The following CAST variants were observed in gnomAD, a reference collection of about 807,000 sequenced individuals.
CAST encodes the protein MIR583 host.
In CAST, 76 loss-of-function variants were observed where a neutral mutation model predicts 119.6. The ratio of observed to expected loss-of-function variants is 0.64; its 90% CI spans 0.53 to 0.77. CAST has a LOEUF of 0.77. Among genes scored for constraint, CAST ranks in the 30% least tolerant of loss-of-function variants. The pLI is 0.00. For missense variants in CAST, 953 were observed against 946.5 expected (o/e 1.01, Z -0.09); for synonymous variants, 319 against 331.6 (o/e 0.96, Z 0.41).
At chr5:96,199,083 T>A in the CAST span, among the ~76,000 whole-genome samples, 1 of 152,212 alleles carries the variant, frequency 6.6e-6, no homozygotes, top group South Asian at 2.1e-4. Context: ...CCTTTGACAT[T>A]ATTCTCATGG....
At chr5:96,199,448 C>G in the CAST span, among the ~76,000 whole-genome samples, 1 of 152,230 alleles carries the variant, frequency 6.6e-6, no homozygotes, top group East Asian at 1.9e-4. Context: ...CCGAACACAG[C>G]TTAAATATGA....
the CAST span, among the ~76,000 whole-genome samples, chr5:96,393,826 C>A: frequency 6.6e-6 from 1 of 152,160 alleles, no homozygotes; most frequent in Non-Finnish European, 1.5e-5. Flanking sequence ...GCTTTCAGAA[C>A]TACCCTTTTA....
chr5:96,406,307 G>A, the CAST span, among the ~76,000 whole-genome samples: 36 of 152,160 alleles, frequency 2.4e-4, no homozygotes, highest in Non-Finnish European at 4.0e-4. Context: ...ATTATTTCTC[G>A]GTTAATTTGG....
chr5:96,565,575 C>A (rs144962856), intron 1 of CAST, among the ~76,000 whole-genome samples: 14 of 152,300 alleles, frequency 9.2e-5, no homozygotes, highest in Non-Finnish European at 2.9e-5. Context: ...TATAATTATT[C>A]TGCAATTAAA....
At position 96,576,966 on chromosome 5, in the gene CAST, C is replaced by T. The variant is rs1250712062; in HGVS notation, c.60+47086C>T. 2.6e-5 allele frequency among the ~76,000 whole-genome samples: 4 copies of T among 152,200 alleles called. No homozygotes were observed. In the South Asian group the frequency reaches 8.3e-4, roughly 32 times the overall value. Reference sequence around the variant, plus strand: ...AGCCCATCATGCATTAGCTCTTTTCCCTAATGCTCTTCCCATCCTTCGCCC... The same window carrying T: ...AGCCCATCATGCATTAGCTCTTTTCTCTAATGCTCTTCCCATCCTTCGCCC... On this transcript the variant is annotated intron_variant, in intron 1 of 11. Coordinates refer to the CAST transcript ENST00000505143.
chr5:95,971,960 CTTTTTT>C, the CAST span, among the ~76,000 whole-genome samples: 1 of 136,992 alleles, frequency 7.3e-6, no homozygotes, highest in African/African-American at 2.7e-5. Flanking sequence ...TCTTTTATTT[CTTTTTT>C]TTTTTTTTTT....
chr5:96,532,665 C>T (rs936532837), intron 1 of CAST, among the ~76,000 whole-genome samples: 2 of 152,128 alleles, frequency 1.3e-5, no homozygotes, highest in African/African-American at 4.8e-5. Context: ...GCGTGGCCAA[C>T]ATGGTGAAAT....
At chr5:96,559,174 C>A (rs908627687) in intron 1 of CAST, among the ~76,000 whole-genome samples, 2 of 152,246 alleles carry the variant, frequency 1.3e-5, no homozygotes, top group South Asian at 2.1e-4. Flanking sequence ...ATGCTAAAAT[C>A]TCTCAATAAA....
the CAST span, among the ~76,000 whole-genome samples, chr5:96,387,997 G>C: frequency 3.3e-5 from 5 of 152,182 alleles, no homozygotes; most frequent in African/African-American, 7.2e-5. Flanking sequence ...GGGGGTCCCT[G>C]TTCAGATACA....
chr5:96,022,735 G>A, the CAST span, among the ~76,000 whole-genome samples: 3 of 152,118 alleles, frequency 2.0e-5, no homozygotes, highest in Non-Finnish European at 2.9e-5. Context: ...GACTTCATAC[G>A]ATTGTGGGGG....
At chr5:96,216,380 C>CT in the CAST span, among the ~76,000 whole-genome samples, 1 of 152,060 alleles carries the variant, frequency 6.6e-6, no homozygotes, top group African/African-American at 2.4e-5. Context: ...TAATAAATTG[C>CT]TTTTTAAAAA....
chr5:96,038,539 AG>A, the CAST span, among the ~76,000 whole-genome samples: 1 of 42,532 alleles, frequency 2.4e-5, no homozygotes, highest in South Asian at 7.9e-4. Flanking sequence ...CACCCCCCGC[AG>A]GCCCTGGTGT....
Position 96,762,188 on chromosome 5 carries a change from A to G in CAST, c.1834-86A>G. The G allele has an allele frequency of 5.7e-6, 4 of 704,458 alleles. No individual in the cohort carries two copies. The South Asian group carries it at 6.7e-5, about 12-fold the overall frequency. The allele number at this position is 704,458 out of a possible 1,614,324, so 43.6% of individuals were successfully genotyped here. ...CAAGAGAATAAACAGTCATTAAGCTATCTTTAAGAGTTATAGTTAAGTGAT... is the reference window on the plus strand; with the variant it reads ...CAAGAGAATAAACAGTCATTAAGCTGTCTTTAAGAGTTATAGTTAAGTGAT... On this transcript the variant is annotated intron_variant, in intron 24 of 31. Coordinates refer to ENST00000675179, the MANE Select transcript of CAST (RefSeq NM_001750.7).
chr5:96,770,849 G>T (rs192662018), intron 30 of CAST, among the ~76,000 whole-genome samples: 1 of 152,150 alleles, frequency 6.6e-6, no homozygotes, highest in African/African-American at 2.4e-5. Flanking sequence ...TGTTTTGCCT[G>T]TCTTTCTTGC....
chr5:96,358,354 A>C, the CAST span, among the ~76,000 whole-genome samples: 1 of 151,576 alleles, frequency 6.6e-6, no homozygotes, highest in African/African-American at 2.4e-5. Context: ...GATCTTAGTT[A>C]TTTCTTGTCT....
intron 1 of CAST, among the ~76,000 whole-genome samples, chr5:96,599,319 C>T (rs76824400): frequency 0.02 from 3,039 of 152,208 alleles, 44 homozygotes; most frequent in Middle Eastern, 0.031. Context: ...CTGTTGGTCC[C>T]CAGTGCTGAA....
chr5:96,301,955 C>T, the CAST span, among the ~76,000 whole-genome samples: 6 of 152,146 alleles, frequency 3.9e-5, no homozygotes, highest in African/African-American at 7.2e-5. Flanking sequence ...TCTATGTGGG[C>T]GCTTCAACCC....
At chr5:96,435,613 A>G in the CAST span, among the ~76,000 whole-genome samples, 370 of 152,322 alleles carry the variant, frequency 2.4e-3, 1 homozygote, top group Middle Eastern at 0.01. Context: ...GGAAGAGCCA[A>G]TTATCACCCT....
At chr5:96,684,118 T>C (rs183657711) in intron 2 of CAST, among the ~76,000 whole-genome samples, 2 of 152,330 alleles carry the variant, frequency 1.3e-5, no homozygotes, top group Admixed American at 1.3e-4. Flanking sequence ...TAGCTCTGTG[T>C]CTTTAGGCAA....
Sources: allele counts gnomAD v4.1 joint callset (sites outside exome capture counted in the v4.1 genomes callset), GRCh38; gene constraint gnomAD v4.1.1; transcripts MANE v1.5; gene names NCBI Gene and HGNC (gene_info 2026-07-23, HGNC 2026-07-21).